The following LMNTD1 variants were observed in gnomAD, a reference collection of about 807,000 sequenced individuals.
The protein encoded by LMNTD1 is lamin tail domain containing 1, also known as lamin tail domain-containing protein 1.
LMNTD1 carries 35 observed loss-of-function variants against 50.9 expected under a neutral mutation model. The observed-to-expected ratio is 0.69, with a 90% CI of 0.53 to 0.91. The LOEUF (loss-of-function observed/expected upper bound fraction) is 0.91, where lower values mean the gene tolerates loss of function less well. LMNTD1 is among the 40% of genes least tolerant of loss of function. The pLI, the probability that LMNTD1 is intolerant of heterozygous loss-of-function variation, is 0.00. For missense variants in LMNTD1, 470 were observed against 475.5 expected (o/e 0.99, Z 0.11); for synonymous variants, 153 against 161.9 (o/e 0.94, Z 0.42).
chr12:25,544,368 T>TGATAC (rs71065953), intron 4 of LMNTD1, among the ~76,000 whole-genome samples: 4 of 9,106 alleles, frequency 4.4e-4, no homozygotes, highest in African/African-American at 7.1e-4. Flanking sequence ...CTATTTTATC[T>TGATAC]AAGTATAGCT....
At chr12:25,544,462 G>A (rs940927813) in intron 4 of LMNTD1, among the ~76,000 whole-genome samples, 2 of 151,694 alleles carry the variant, frequency 1.3e-5, no homozygotes, top group African/African-American at 4.8e-5. Context: ...TGTAGGTGAA[G>A]TGGGTTTCTT....
intron 1 of LMNTD1, among the ~76,000 whole-genome samples, chr12:25,559,836 A>T (rs1216968435): frequency 6.6e-6 from 1 of 152,226 alleles, no homozygotes; most frequent in Non-Finnish European, 1.5e-5. Flanking sequence ...TCACTGCATA[A>T]ATGTCTTCTT....
intron 1 of LMNTD1, among the ~76,000 whole-genome samples, chr12:25,558,946 T>G (rs1231544197): frequency 1.3e-5 from 2 of 151,236 alleles, no homozygotes; most frequent in Non-Finnish European, 2.9e-5. Flanking sequence ...TTTCCAAAAT[T>G]TCTCTTGTCA....
At chr12:25,496,752 C>G (rs1442701140) in intron 9 of LMNTD1, among the ~76,000 whole-genome samples, 2 of 152,124 alleles carry the variant, frequency 1.3e-5, no homozygotes, top group Non-Finnish European at 1.5e-5. Flanking sequence ...TTTTAGTGTA[C>G]AATTCAGTGG....
At chr12:25,498,756 G>A (rs1939212125) in intron 9 of LMNTD1, among the ~76,000 whole-genome samples, 1 of 151,862 alleles carries the variant, frequency 6.6e-6, no homozygotes, top group Non-Finnish European at 1.5e-5. Flanking sequence ...AAGTCCTAAG[G>A]AATTATTTTT....
chr12:25,622,476 C>CCCCCCT (rs5797142), intron 1 of LMNTD1, among the ~76,000 whole-genome samples: 2 of 141,502 alleles, frequency 1.4e-5, no homozygotes, highest in African/African-American at 5.1e-5. Flanking sequence ...CGCCCCCCCC[C>CCCCCCT]GCAAAATAAT....
intron 1 of LMNTD1, among the ~76,000 whole-genome samples, chr12:25,615,315 G>C (rs1946331351): frequency 6.6e-6 from 1 of 152,170 alleles, no homozygotes; most frequent in Admixed American, 6.5e-5. Context: ...GCAGAGTAGA[G>C]TGTGTGAGGT....
chr12:25,646,620 G>A (rs992876843), intron 1 of LMNTD1, among the ~76,000 whole-genome samples: 4 of 152,162 alleles, frequency 2.6e-5, no homozygotes, highest in African/African-American at 9.7e-5. Context: ...TTTGATGATT[G>A]CTGGAGTAAA....
intron 1 of LMNTD1, among the ~76,000 whole-genome samples, chr12:25,606,091 A>G (rs1398090299): frequency 1.3e-5 from 2 of 152,142 alleles, no homozygotes; most frequent in African/African-American, 4.8e-5. Context: ...TTCTCTTTGA[A>G]GCAGTTGTGA....
Position 25,519,966 on chromosome 12 carries a change from AC to A in LMNTD1, c.907del (p.Val303CysfsTer11), listed in dbSNP as rs1941164504. The A allele has an allele frequency of 1.2e-6, 2 of 1,613,428 alleles. No homozygotes were observed. Among genetic ancestry groups the A allele is most frequent in the Non-Finnish European group, 1.7e-6 (2 of 1,179,630 alleles). On this transcript the variant is annotated frameshift_variant, in exon 7 of 10. Transcript: ENST00000458174. LOFTEE classifies it high-confidence loss of function. ...SVVSPTFRKR[V>X]FQWTASTATI... ...AGCTGTAGATGCTGTCCACTGAAAC[AC>A]ACGCTTTCGGAATGTTGGAGATACT...
At chr12:25,552,806 A>T in intron 2 of LMNTD1, 65 bp downstream of exon 2, 2 of 941,884 alleles carry the variant, frequency 2.1e-6, no homozygotes, top group Non-Finnish European at 3.4e-6. Context: ...GAGGTCAAGC[A>T]TGCCATCATT....
At chr12:25,548,277 A>G (rs918771904) in intron 3 of LMNTD1, among the ~76,000 whole-genome samples, 2 of 151,922 alleles carry the variant, frequency 1.3e-5, no homozygotes, top group African/African-American at 2.4e-5. Flanking sequence ...TATATTAGAA[A>G]CAAAATGAAA....
At chr12:25,622,511 C>A (rs1442338098) in intron 1 of LMNTD1, among the ~76,000 whole-genome samples, 9 of 142,064 alleles carry the variant, frequency 6.3e-5, no homozygotes, top group South Asian at 2.3e-4. Context: ...CTTTTATCCA[C>A]ATTGTCCTTA....
chr12:25,546,263 A>C, intron 4 of LMNTD1, 111 bp downstream of exon 4: 1 of 514,994 alleles, frequency 1.9e-6, no homozygotes, highest in Non-Finnish European at 3.3e-6. Flanking sequence ...TGAACTGATT[A>C]GTGTTTTAGA....
chr12:25,508,218 C>T (rs1311133384), intron 8 of LMNTD1, among the ~76,000 whole-genome samples: 1 of 152,118 alleles, frequency 6.6e-6, no homozygotes, highest in African/African-American at 2.4e-5. Flanking sequence ...CTTGTAAACA[C>T]CACTTGGATC....
chr12:25,503,193 C>T (rs1236325278), intron 9 of LMNTD1, among the ~76,000 whole-genome samples: 1 of 152,138 alleles, frequency 6.6e-6, no homozygotes, highest in Non-Finnish European at 1.5e-5. Flanking sequence ...AGCATTTAAA[C>T]TCAACCACTT....
chr12:25,522,251 A>T lies in LMNTD1; in HGVS notation c.799-2176T>A, dbSNP rs549115624. Reference sequence around the variant, plus strand: ...ACGAATCCTCCCTTTTTAGTAGCTCAAACATATTATATTTTGAAAATATGT... The same window carrying T: ...ACGAATCCTCCCTTTTTAGTAGCTCTAACATATTATATTTTGAAAATATGT... On this transcript the variant is annotated intron_variant, in intron 6 of 9. Coordinates refer to ENST00000458174, the MANE Select transcript of LMNTD1 (RefSeq NM_001145728.2). Among the ~76,000 whole-genome samples, 3 of 152,324 alleles carry T rather than the reference A, an allele frequency of 2.0e-5. No individual in the cohort carries two copies. In the East Asian group the frequency reaches 5.8e-4, roughly 29 times the overall value.
chr12:25,493,520 A>G (rs1938958193), intron 9 of LMNTD1, among the ~76,000 whole-genome samples: 1 of 152,184 alleles, frequency 6.6e-6, no homozygotes, highest in African/African-American at 2.4e-5. Context: ...TACCCACCCA[A>G]AACATAAAAG....
intron 1 of LMNTD1, among the ~76,000 whole-genome samples, chr12:25,600,342 G>A (rs1042852078): frequency 1.3e-5 from 2 of 151,770 alleles, no homozygotes; most frequent in Non-Finnish European, 3.0e-5. Flanking sequence ...AAATGTGAAA[G>A]TACTACAAGA....
Sources: gnomAD v4.1 joint callset for allele counts (sites outside exome capture counted in the v4.1 genomes callset) on GRCh38, gnomAD v4.1.1 for gene constraint, MANE v1.5 for transcripts, NCBI Gene and HGNC (gene_info 2026-07-23, HGNC 2026-07-21) for gene names.